CHRM3: variants seen among roughly 807,000 people sequenced by gnomAD.
CHRM3 encodes the protein cholinergic receptor muscarinic 3, also known as muscarinic acetylcholine receptor M3.
Under a neutral mutation model 41.8 loss-of-function variants are expected in CHRM3, and 11 were observed. The ratio of observed to expected loss-of-function variants is 0.26; its 90% CI spans 0.17 to 0.44. CHRM3 has a LOEUF of 0.44. Ranked by LOEUF, CHRM3 falls within the 20% of genes least tolerant of loss-of-function variation. The pLI, the probability that CHRM3 is intolerant of heterozygous loss-of-function variation, is 1.00. For synonymous variants in CHRM3, 297 were observed against 301.4 expected (o/e 0.99, Z 0.15); for missense variants, 571 against 745.4 (o/e 0.77, Z 2.72).
At chr1:239,883,665 G>A (rs1207948801) in intron 6 of CHRM3, among the ~76,000 whole-genome samples, 1 of 152,142 alleles carries the variant, frequency 6.6e-6, no homozygotes, top group African/African-American at 2.4e-5. Context: ...AGTAGTATGT[G>A]TTTTTGAACC....
intron 5 of CHRM3, among the ~76,000 whole-genome samples, chr1:239,757,056 T>C (rs1417920791): frequency 2.0e-5 from 3 of 152,192 alleles, no homozygotes; most frequent in Non-Finnish European, 2.9e-5. Flanking sequence ...AATTTTTCAC[T>C]TGACAATAAA....
chr1:239,659,413 CT>C (rs1672995646), intron 4 of CHRM3, among the ~76,000 whole-genome samples: 1 of 152,160 alleles, frequency 6.6e-6, no homozygotes, highest in African/African-American at 2.4e-5. Context: ...CCTCCAGCCA[CT>C]GTCCCATTCC....
At chr1:239,582,972 C>T (rs1227658685) in intron 3 of CHRM3, among the ~76,000 whole-genome samples, 1 of 152,152 alleles carries the variant, frequency 6.6e-6, no homozygotes, top group Non-Finnish European at 1.5e-5. Context: ...GCTCTCCAGC[C>T]AGTCTGTGCT....
chr1:239,404,413 A>AAGAAAGAGAAAGAAAGAAAGAAG (rs1558195765), intron 1 of CHRM3, among the ~76,000 whole-genome samples: 10 of 48,650 alleles, frequency 2.1e-4, no homozygotes, highest in African/African-American at 7.8e-4. Flanking sequence ...AGAAAGAAAA[A>AAGAAAGAGAAAGAAAGAAAGAAG]GAAAGAAAGA....
intron 4 of CHRM3, among the ~76,000 whole-genome samples, chr1:239,648,032 A>T (rs901083244): frequency 3.6e-4 from 55 of 152,302 alleles, no homozygotes; most frequent in African/African-American, 1.3e-3. Context: ...CCATTGACTT[A>T]AAAAGAGAAA....
Position 239,428,457 on chromosome 1 carries a change from G to T in CHRM3, c.-521+41230G>T, listed in dbSNP as rs377250204. Among the ~76,000 whole-genome samples the T allele has an allele frequency of 2.3e-3, 357 of 152,314 alleles. 1 individual carries two copies. Among genetic ancestry groups the T allele is most frequent in the African/African-American group, 8.1e-3 (337 of 41,564 alleles). On this transcript the variant is annotated intron_variant, in intron 1 of 6. Transcript: ENST00000676153. ...TTTACAGGACAAAGATGCAGTCTTT[G>T]TATTTAATAGGAAATGTCAGGGGAA...
chr1:239,481,314 A>G (rs1666837462), intron 1 of CHRM3, among the ~76,000 whole-genome samples: 3 of 152,160 alleles, frequency 2.0e-5, no homozygotes, highest in Admixed American at 1.3e-4. Flanking sequence ...ATTTCGGAAG[A>G]CGTATTTTAG....
chr1:239,401,523 T>C (rs959509940), intron 1 of CHRM3, among the ~76,000 whole-genome samples: 2 of 151,490 alleles, frequency 1.3e-5, no homozygotes, highest in East Asian at 3.9e-4. Flanking sequence ...TGAGATGGAG[T>C]CTCTGTTGCC....
intron 6 of CHRM3, among the ~76,000 whole-genome samples, chr1:239,866,265 T>G (rs1448875029): frequency 1.3e-5 from 2 of 152,054 alleles, no homozygotes; most frequent in Non-Finnish European, 2.9e-5. Flanking sequence ...TAGTCCCAGC[T>G]ACTCGGGAGG....
chr1:239,705,445 C>G (rs1352186232), intron 5 of CHRM3: 2 of 152,150 alleles, frequency 1.3e-5, no homozygotes, highest in Non-Finnish European at 2.9e-5. Flanking sequence ...ATTCTGGAGG[C>G]AGGGTTGGCT....
At chr1:239,479,863 T>A (rs1295173250) in intron 1 of CHRM3, among the ~76,000 whole-genome samples, 4 of 152,156 alleles carry the variant, frequency 2.6e-5, no homozygotes, top group African/African-American at 9.7e-5. Context: ...GGGTGGTGAA[T>A]GAATGTGAAG....
chr1:239,524,185 T>TAC (rs1217032838), intron 2 of CHRM3, among the ~76,000 whole-genome samples: 1 of 152,176 alleles, frequency 6.6e-6, no homozygotes, highest in African/African-American at 2.4e-5. Context: ...TATATATATA[T>TAC]GCACACATAT....
intron 3 of CHRM3, among the ~76,000 whole-genome samples, chr1:239,603,820 A>T (rs1665907355): frequency 2.0e-5 from 3 of 152,144 alleles, no homozygotes; most frequent in Non-Finnish European, 4.4e-5. Flanking sequence ...TTAGTCTTGC[A>T]TTAAGTTCTG....
chr1:239,813,153 C>T (rs900983227), intron 5 of CHRM3, among the ~76,000 whole-genome samples: 2 of 152,160 alleles, frequency 1.3e-5, no homozygotes, highest in Admixed American at 1.3e-4. Flanking sequence ...TGGCGGGTGC[C>T]TGTAATCCCA....
At chr1:239,552,958 T>C (rs1244642703) in intron 3 of CHRM3, among the ~76,000 whole-genome samples, 2 of 152,120 alleles carry the variant, frequency 1.3e-5, no homozygotes, top group Non-Finnish European at 2.9e-5. Context: ...TATGTTGAAA[T>C]TTGATCATAA....
chr1:239,781,571 GT>G (rs903514870), intron 5 of CHRM3, among the ~76,000 whole-genome samples: 55 of 152,188 alleles, frequency 3.6e-4, no homozygotes, highest in Non-Finnish European at 5.6e-4. Flanking sequence ...TGCCAATACA[GT>G]TTTATTTCTT....
intron 2 of CHRM3, among the ~76,000 whole-genome samples, chr1:239,502,103 C>G (rs1371980765): frequency 6.6e-6 from 1 of 151,912 alleles, no homozygotes; most frequent in Non-Finnish European, 1.5e-5. Context: ...GAAATTGAAA[C>G]AAGCAAACAA....
intron 4 of CHRM3, among the ~76,000 whole-genome samples, chr1:239,654,176 C>G (rs963962244): frequency 6.6e-6 from 1 of 151,974 alleles, no homozygotes; most frequent in African/African-American, 2.4e-5. Context: ...CACTACGTTA[C>G]TCAGGATGGT....
At chr1:239,646,186 T>C (rs1377046134) in intron 4 of CHRM3, among the ~76,000 whole-genome samples, 1 of 152,250 alleles carries the variant, frequency 6.6e-6, no homozygotes, top group African/African-American at 2.4e-5. Flanking sequence ...ATTCTGAGAC[T>C]GCAAACCCTA....
Sources: allele counts gnomAD v4.1 joint callset (sites outside exome capture counted in the v4.1 genomes callset), GRCh38; gene constraint gnomAD v4.1.1; transcripts MANE v1.5; gene names NCBI Gene and HGNC (gene_info 2026-07-23, HGNC 2026-07-21).